Variants in KIRREL3 observed in about 807,000 individuals in gnomAD.
KIRREL3 encodes kin of IRRE-like protein 3.
A neutral mutation model predicts 89.7 loss-of-function variants in KIRREL3; 36 were observed. That is an observed-to-expected ratio of 0.40 (90% CI 0.31 to 0.53). KIRREL3 has a LOEUF of 0.53. Ranked by LOEUF, KIRREL3 falls within the 20% of genes least tolerant of loss-of-function variation. The pLI, the probability that KIRREL3 is intolerant of heterozygous loss-of-function variation, is 0.49. For missense variants in KIRREL3, 864 were observed against 1,056.6 expected (o/e 0.82, Z 2.53); for synonymous variants, 445 against 441.4 (o/e 1.01, Z -0.10).
At chr11:126,770,144 T>C (rs1358055908) in intron 1 of KIRREL3, among the ~76,000 whole-genome samples, 1 of 151,802 alleles carries the variant, frequency 6.6e-6, no homozygotes, top group Admixed American at 6.6e-5. Flanking sequence ...GAAGCCTGAG[T>C]TGGGGGGGAA....
intron 1 of KIRREL3, among the ~76,000 whole-genome samples, chr11:126,714,345 G>A (rs1027716346): frequency 2.6e-5 from 4 of 151,882 alleles, no homozygotes; most frequent in Middle Eastern, 3.2e-3. Context: ...AGAGGGGAGC[G>A]TGTGGCCCAG....
intron 1 of KIRREL3, among the ~76,000 whole-genome samples, chr11:126,946,000 A>G (rs1034989629): frequency 6.6e-6 from 1 of 152,160 alleles, no homozygotes; most frequent in African/African-American, 2.4e-5. Flanking sequence ...CCCTGGATGG[A>G]AGTCCTGTGG....
intron 1 of KIRREL3, among the ~76,000 whole-genome samples, chr11:126,599,499 C>G (rs1565582483): frequency 6.6e-6 from 1 of 152,212 alleles, no homozygotes; most frequent in African/African-American, 2.4e-5. Flanking sequence ...TGCTTCACCC[C>G]CTTTCTCTTC....
chr11:126,472,946 G>C (rs1414648612), intron 5 of KIRREL3, among the ~76,000 whole-genome samples: 2 of 51,944 alleles, frequency 3.9e-5, no homozygotes, highest in African/African-American at 8.1e-5. Context: ...CTCTACCTAA[G>C]CCCAGCCCCT....
chr11:126,782,726 A>G lies in KIRREL3; in HGVS notation c.55+217729T>C, dbSNP rs1307367620. ...ATGAATTAGTGTTGGAGACATCAGT[A>G]TGAACTTATATTTAGCTTAATATAG... On this transcript the variant is annotated intron_variant, in intron 1 of 16. Coordinates refer to ENST00000525144, the MANE Select transcript of KIRREL3 (RefSeq NM_032531.4). The surrounding 1 kb of genome is among the most constrained non-coding windows in gnomAD (Gnocchi z 4.1). Among the ~76,000 whole-genome samples, 1 of 152,214 alleles carries G rather than the reference A, an allele frequency of 6.6e-6. No individual in the cohort carries two copies. The highest frequency in any genetic ancestry group is 1.9e-4 in the East Asian group (1 of 5,202).
In KIRREL3 at chr11:126,544,733, G is replaced by A. The variant is rs1938646243; in HGVS notation, c.134-18046C>T. Reference sequence around the variant, plus strand: ...AGAGTGCAGGGAGCTGTCCTTGGTTGGCAGCATCAAGATAATCGCCTAAGC... The same window carrying A: ...AGAGTGCAGGGAGCTGTCCTTGGTTAGCAGCATCAAGATAATCGCCTAAGC... On this transcript the variant is annotated intron_variant, in intron 2 of 16. Coordinates refer to ENST00000525144, the MANE Select transcript of KIRREL3 (RefSeq NM_032531.4). This position sits in a 1 kb window ranked among gnomAD's most constrained non-coding sequence, Gnocchi z 5.6. 6.6e-6 allele frequency among the ~76,000 whole-genome samples: 1 copy of A among 152,114 alleles called. No individual in the cohort carries two copies. The highest frequency in any genetic ancestry group is 1.5e-5 in the Non-Finnish European group (1 of 68,012).
In KIRREL3 at chr11:126,843,318, G is replaced by A. The variant is rs1007539718; in HGVS notation, c.55+157137C>T. Among the ~76,000 whole-genome samples the A allele has an allele frequency of 6.6e-6, 1 of 152,182 alleles. No homozygotes were observed. Among genetic ancestry groups the A allele is most frequent in the Non-Finnish European group, 1.5e-5 (1 of 68,040 alleles). On this transcript the variant is annotated intron_variant, in intron 1 of 16. Transcript: ENST00000525144. This position sits in a 1 kb window ranked among gnomAD's most constrained non-coding sequence, Gnocchi z 4.6. ...TGGAGACAGGCTTTGATCTTGCCTCGAAGTCAAAGGCAATCTGGAAGATCT... is the reference window on the plus strand; with the variant it reads ...TGGAGACAGGCTTTGATCTTGCCTCAAAGTCAAAGGCAATCTGGAAGATCT...
At chr11:126,456,116 G>A (rs528905775) in intron 7 of KIRREL3, among the ~76,000 whole-genome samples, 15 of 132,928 alleles carry the variant, frequency 1.1e-4, no homozygotes, top group South Asian at 2.5e-4. Context: ...AGCAGAAGCC[G>A]TGAGTCCTGC....
intron 1 of KIRREL3, among the ~76,000 whole-genome samples, chr11:126,964,347 G>C (rs1051776381): frequency 6.6e-6 from 1 of 152,094 alleles, no homozygotes; most frequent in African/African-American, 2.4e-5. Flanking sequence ...ACACAGGCTG[G>C]GTGGCATGTG....
chr11:126,991,777 A>C lies in KIRREL3; in HGVS notation c.55+8678T>G, dbSNP rs889730871. Among the ~76,000 whole-genome samples the C allele has an allele frequency of 6.6e-6, 1 of 152,210 alleles. No individual in the cohort carries two copies. The highest frequency in any genetic ancestry group is 2.1e-4 in the South Asian group (1 of 4,828). On this transcript the variant is annotated intron_variant, in intron 1 of 16. Coordinates refer to ENST00000525144, the MANE Select transcript of KIRREL3 (RefSeq NM_032531.4). This position sits in a 1 kb window ranked among gnomAD's most constrained non-coding sequence, Gnocchi z 5.8. ...GTCCTAGACACTGGGGATTGCCACAAATTATAAGACTATGACCTGTCTTAT... is the reference window on the plus strand; with the variant it reads ...GTCCTAGACACTGGGGATTGCCACACATTATAAGACTATGACCTGTCTTAT...
At chr11:126,518,883 C>T (rs1208444856) in intron 4 of KIRREL3, among the ~76,000 whole-genome samples, 1 of 152,208 alleles carries the variant, frequency 6.6e-6, no homozygotes, top group African/African-American at 2.4e-5. Context: ...CTGGGAGTGT[C>T]CCAGGGAGTC....
chr11:126,665,022 C>G (rs1342806235), intron 1 of KIRREL3, among the ~76,000 whole-genome samples: 2 of 152,212 alleles, frequency 1.3e-5, no homozygotes, highest in African/African-American at 2.4e-5. Context: ...TGAGCAGACA[C>G]TCTACTTTAT....
rs1205614696 is a variant in KIRREL3, at chr11:126,744,101, G to T, written c.56-181189C>A. On this transcript the variant is annotated intron_variant, in intron 1 of 16. Transcript: ENST00000525144. The surrounding 1 kb of genome is among the most constrained non-coding windows in gnomAD (Gnocchi z 4.7). The stretch of plus-strand genomic sequence containing the variant: ...CCAGAAAGTTGGGACTAGCCAAGGG[G>T]CAGAGGGCCCAGGAAGGTGGAGCTG... Among the ~76,000 whole-genome samples, 2 of 152,196 alleles carry T rather than the reference G, an allele frequency of 1.3e-5. No individual in the cohort carries two copies. Among genetic ancestry groups the T allele is most frequent in the Non-Finnish European group, 2.9e-5 (2 of 68,042 alleles).
chr11:126,755,778 C>G lies in KIRREL3; in HGVS notation c.56-192866G>C, dbSNP rs1033995072. 1.3e-5 allele frequency among the ~76,000 whole-genome samples: 2 copies of G among 151,770 alleles called. No homozygotes were observed. The highest frequency in any genetic ancestry group is 2.9e-5 in the Non-Finnish European group (2 of 68,002). On this transcript the variant is annotated intron_variant, in intron 1 of 16. Transcript: ENST00000525144. The surrounding 1 kb of genome is among the most constrained non-coding windows in gnomAD (Gnocchi z 4.3). ...GCCCCTTCTTTGCACTTTTTCCACC[C>G]CCTCACCACTACCCTGAATGCGTGC...
chr11:126,440,085 C>A (rs1000810085), intron 11 of KIRREL3: 13 of 441,846 alleles, frequency 2.9e-5, no homozygotes, highest in Non-Finnish European at 5.2e-5. Flanking sequence ...CAACTATTAC[C>A]TGCGCTCTAA....
At chr11:126,925,752 C>T (rs1306814340) in intron 1 of KIRREL3, among the ~76,000 whole-genome samples, 1 of 152,252 alleles carries the variant, frequency 6.6e-6, no homozygotes, top group Non-Finnish European at 1.5e-5. Flanking sequence ...GCACTTCTCT[C>T]TGGCCACAGG....
Position 126,680,413 on chromosome 11 carries a change from T to C in KIRREL3, c.56-117501A>G, listed in dbSNP as rs575961066. 4.4e-4 allele frequency among the ~76,000 whole-genome samples: 66 copies of C among 148,966 alleles called. No individual in the cohort carries two copies. The East Asian group carries it at 4.8e-3, about 11-fold the overall frequency. ...TCTACTGGAGATATATATATATATATATACACATAGCCAGCAGCCAACAGA... is the reference window on the plus strand; with the variant it reads ...TCTACTGGAGATATATATATATATACATACACATAGCCAGCAGCCAACAGA... On this transcript the variant is annotated intron_variant, in intron 1 of 16. Coordinates refer to ENST00000525144, the MANE Select transcript of KIRREL3 (RefSeq NM_032531.4).
chr11:126,499,461 C>A (rs946779435), intron 4 of KIRREL3, among the ~76,000 whole-genome samples: 1 of 152,164 alleles, frequency 6.6e-6, no homozygotes, highest in Non-Finnish European at 1.5e-5. Context: ...CTGGGACCCT[C>A]GGATCAGGCG....
intron 1 of KIRREL3, among the ~76,000 whole-genome samples, chr11:126,790,348 G>C (rs1214012985): frequency 6.6e-6 from 1 of 152,188 alleles, no homozygotes; most frequent in Non-Finnish European, 1.5e-5. Flanking sequence ...TGGATTCCCA[G>C]ACAAAAGCAT....
Sources: allele counts gnomAD v4.1 joint callset (sites outside exome capture counted in the v4.1 genomes callset), GRCh38; gene constraint gnomAD v4.1.1; non-coding constraint Gnocchi (gnomAD v3.1); transcripts MANE v1.5; gene names NCBI Gene and HGNC (gene_info 2026-07-23, HGNC 2026-07-21).